OR10J1: variants seen among roughly 807,000 people sequenced by gnomAD.
OR10J1 encodes olfactory receptor family 10 subfamily J member 1, also known as olfactory receptor 10J1.
For missense variants in OR10J1, 474 were observed against 376.6 expected (o/e 1.26, Z -2.14); for synonymous variants, 202 against 143.8 (o/e 1.40, Z -2.89).
chr1:159,421,569 A>G, the OR10J1 span, among the ~76,000 whole-genome samples: 38 of 152,240 alleles, frequency 2.5e-4, no homozygotes, highest in East Asian at 7.1e-3. Context: ...TCCTGAAGAT[A>G]TATCTATGGT....
upstream of OR10J1, among the ~76,000 whole-genome samples, chr1:159,437,435 G>C (rs907297738): frequency 6.6e-6 from 1 of 151,586 alleles, no homozygotes; most frequent in African/African-American, 2.4e-5. Context: ...ATGGCTCTAA[G>C]CTTGAGCTGC....
At chr1:159,401,891 T>C in the OR10J1 span, among the ~76,000 whole-genome samples, 2 of 152,072 alleles carry the variant, frequency 1.3e-5, no homozygotes, top group African/African-American at 2.4e-5. Flanking sequence ...GGAAAGATCA[T>C]TTATCATGAC....
At chr1:159,412,119 C>G in the OR10J1 span, among the ~76,000 whole-genome samples, 144 of 151,982 alleles carry the variant, frequency 9.5e-4, 2 homozygotes, top group African/African-American at 2.1e-3. Flanking sequence ...ACTTAGGAAG[C>G]CATCTTACAA....
chr1:159,411,903 G>C, the OR10J1 span, among the ~76,000 whole-genome samples: 1 of 151,998 alleles, frequency 6.6e-6, no homozygotes, highest in Non-Finnish European at 1.5e-5. Flanking sequence ...AATTGTCCCT[G>C]TTTGCAGATG....
chr1:159,402,260 G>T, the OR10J1 span, among the ~76,000 whole-genome samples: 1 of 152,022 alleles, frequency 6.6e-6, no homozygotes, highest in Non-Finnish European at 1.5e-5. Context: ...CCTAGCTAGA[G>T]CAATCAGACA....
the OR10J1 span, among the ~76,000 whole-genome samples, chr1:159,428,169 C>T: frequency 1.3e-5 from 2 of 152,008 alleles, no homozygotes; most frequent in Non-Finnish European, 2.9e-5. Context: ...TATTATATTT[C>T]ATAACCAAAT....
chr1:159,429,043 T>G, the OR10J1 span, among the ~76,000 whole-genome samples: 24,722 of 152,148 alleles, frequency 0.16, 3,243 homozygotes, highest in East Asian at 0.42. Flanking sequence ...GCTCACCTTC[T>G]AAAAGGAAAG....
the OR10J1 span, among the ~76,000 whole-genome samples, chr1:159,419,264 C>G: frequency 6.6e-6 from 1 of 152,128 alleles, no homozygotes; most frequent in South Asian, 2.1e-4. Context: ...GACTCTGACC[C>G]TACCCAAATC....
At chr1:159,408,210 C>G in the OR10J1 span, among the ~76,000 whole-genome samples, 4 of 151,870 alleles carry the variant, frequency 2.6e-5, no homozygotes, top group Admixed American at 2.6e-4. Context: ...GACTTGGAAC[C>G]AACCCAAATG....
chr1:159,398,611 G>A, the OR10J1 span, among the ~76,000 whole-genome samples: 1 of 152,034 alleles, frequency 6.6e-6, no homozygotes, highest in African/African-American at 2.4e-5. Context: ...AAATGCAATT[G>A]GTATACTGAG....
chr1:159,410,008 T>G, the OR10J1 span, among the ~76,000 whole-genome samples: 1 of 152,150 alleles, frequency 6.6e-6, no homozygotes, highest in Non-Finnish European at 1.5e-5. Flanking sequence ...ATTTATTGAT[T>G]TGTGTATATT....
chr1:159,422,402 C>T, the OR10J1 span, among the ~76,000 whole-genome samples: 3,747 of 152,280 alleles, frequency 0.025, 163 homozygotes, highest in African/African-American at 0.081. Context: ...TTGCTTGTGC[C>T]TCAACCTTGC....
At chr1:159,438,457 A>G (rs538598815), upstream of OR10J1, among the ~76,000 whole-genome samples, 94 of 152,378 alleles carry the variant, frequency 6.2e-4, no homozygotes, top group African/African-American at 2.2e-3. Context: ...ATTTCACCAT[A>G]GAGGCACCAT....
At chr1:159,427,618 C>T in the OR10J1 span, among the ~76,000 whole-genome samples, 3 of 151,760 alleles carry the variant, frequency 2.0e-5, no homozygotes, top group African/African-American at 7.3e-5. Flanking sequence ...AGAATAAAAA[C>T]CCCATAAAAC....
upstream of OR10J1, among the ~76,000 whole-genome samples, chr1:159,436,437 A>G (rs1322829197): frequency 6.6e-6 from 1 of 152,000 alleles, no homozygotes; most frequent in Non-Finnish European, 1.5e-5. Context: ...TCTCACATGT[A>G]TCCCTCCCCT....
chr1:159,438,590 C>T (rs936044750), upstream of OR10J1, among the ~76,000 whole-genome samples: 11 of 152,184 alleles, frequency 7.2e-5, no homozygotes, highest in African/African-American at 2.7e-4. Context: ...TCTATTGCAG[C>T]TTTACTTTCT....
chr1:159,404,793 T>C, the OR10J1 span, among the ~76,000 whole-genome samples: 1 of 152,174 alleles, frequency 6.6e-6, no homozygotes, highest in Admixed American at 6.6e-5. Flanking sequence ...ATTCTATCTA[T>C]ATGTGCTTTA....
the OR10J1 span, among the ~76,000 whole-genome samples, chr1:159,426,592 AT>A: frequency 3.3e-4 from 49 of 149,666 alleles, no homozygotes; most frequent in East Asian, 3.5e-3. Context: ...TGGAGACAAC[AT>A]TTTTTTTTTG....
chr1:159,400,554 A>G, the OR10J1 span, among the ~76,000 whole-genome samples: 1 of 149,648 alleles, frequency 6.7e-6, no homozygotes, highest in African/African-American at 2.4e-5. Context: ...ATTTTATAAA[A>G]TTTAAATATA....
Sources: gnomAD v4.1 joint callset for allele counts (sites outside exome capture counted in the v4.1 genomes callset) on GRCh38, gnomAD v4.1.1 for gene constraint, MANE v1.5 for transcripts, NCBI Gene and HGNC (gene_info 2026-07-23, HGNC 2026-07-21) for gene names.